The following GPHN variants were observed in gnomAD, a reference collection of about 807,000 sequenced individuals.
GPHN encodes the protein gephyrin.
Under a neutral mutation model 95.5 loss-of-function variants are expected in GPHN, and 17 were observed. The ratio of observed to expected loss-of-function variants is 0.18; its 90% CI spans 0.12 to 0.27. The LOEUF is 0.27. GPHN is among the 10% of genes least tolerant of loss of function. The pLI, the probability that GPHN is intolerant of heterozygous loss-of-function variation, is 1.00. For synonymous variants in GPHN, 320 were observed against 322.5 expected (o/e 0.99, Z 0.08); for missense variants, 660 against 978.1 (o/e 0.67, Z 4.34).
chr14:67,383,344 T>C, the GPHN span: 2 of 1,613,588 alleles, frequency 1.2e-6, 1 homozygote, highest in South Asian at 2.2e-5. Context: ...CAGATGAGAC[T>C]GAACTTGCGA....
intron 2 of GPHN, among the ~76,000 whole-genome samples, chr14:66,690,417 A>G (rs2067692099): frequency 6.6e-6 from 1 of 152,114 alleles, no homozygotes; most frequent in Admixed American, 6.5e-5. Flanking sequence ...CAATTCTTTT[A>G]GATTTGTTGA....
At chr14:66,779,775 T>C (rs2153463087) in intron 3 of GPHN, among the ~76,000 whole-genome samples, 1 of 152,244 alleles carries the variant, frequency 6.6e-6, no homozygotes, top group East Asian at 1.9e-4. Context: ...CTTTATCCCA[T>C]GTTAAGAAGT....
chr14:66,890,589 G>A (rs778923219), intron 5 of GPHN, among the ~76,000 whole-genome samples: 40 of 152,022 alleles, frequency 2.6e-4, no homozygotes, highest in Non-Finnish European at 3.1e-4. Flanking sequence ...ATGAATGGCA[G>A]CATTGGTCTC....
intron 3 of GPHN, among the ~76,000 whole-genome samples, chr14:66,815,579 G>A (rs542427682): frequency 1.3e-5 from 2 of 152,208 alleles, no homozygotes; most frequent in East Asian, 3.9e-4. Flanking sequence ...ATAAGCAAAG[G>A]AGAAACAAGA....
intron 3 of GPHN, among the ~76,000 whole-genome samples, chr14:66,806,944 C>A (rs559467667): frequency 6.6e-6 from 1 of 152,266 alleles, no homozygotes; most frequent in Non-Finnish European, 1.5e-5. Context: ...CAGTGCCCCA[C>A]TCTACTGGTA....
chr14:67,690,904 C>T, the GPHN span: 1 of 521,770 alleles, frequency 1.9e-6, no homozygotes, highest in South Asian at 2.5e-5. Context: ...ACCAATTAGT[C>T]TGTTAAAAAA....
the GPHN span, among the ~76,000 whole-genome samples, chr14:67,440,674 C>T: frequency 6.6e-6 from 1 of 152,000 alleles, no homozygotes; most frequent in Non-Finnish European, 1.5e-5. Flanking sequence ...ATCACTTAAA[C>T]CTGGGAGCCA....
At chr14:67,229,734 T>A in the GPHN span, among the ~76,000 whole-genome samples, 1 of 152,214 alleles carries the variant, frequency 6.6e-6, no homozygotes, top group Non-Finnish European at 1.5e-5. Context: ...ATTGGTTAAA[T>A]AAAAATATTT....
chr14:67,024,916 T>A, intron 10 of GPHN, among the ~76,000 whole-genome samples: 1 of 152,162 alleles, frequency 6.6e-6, no homozygotes, highest in South Asian at 2.1e-4. Context: ...AAATCTGTTA[T>A]CTTAGCTCCA....
At chr14:67,199,369 C>T in the GPHN span, 1 of 1,614,060 alleles carries the variant, frequency 6.2e-7, no homozygotes. Context: ...CCAACATTTT[C>T]AATGGGAACC....
intron 2 of GPHN, chr14:66,760,419 A>G (rs1017168869): frequency 6.1e-6 from 1 of 164,520 alleles, no homozygotes; most frequent in Non-Finnish European, 1.3e-5. Flanking sequence ...AGGTTAATTT[A>G]TATGAGGTCT....
intron 1 of GPHN, among the ~76,000 whole-genome samples, chr14:66,557,967 G>C (rs1256933870): frequency 1.3e-5 from 2 of 151,982 alleles, no homozygotes; most frequent in Non-Finnish European, 2.9e-5. Flanking sequence ...TTATAATATG[G>C]TGCTAATTAC....
chr14:67,642,796 T>TC, the GPHN span, among the ~76,000 whole-genome samples: 6 of 92,268 alleles, frequency 6.5e-5, no homozygotes, highest in South Asian at 8.9e-4. Flanking sequence ...ACATTTTCTT[T>TC]TTTTTTTTTT....
intron 2 of GPHN, among the ~76,000 whole-genome samples, chr14:66,745,393 C>G (rs937852277): frequency 1.3e-5 from 2 of 152,006 alleles, no homozygotes; most frequent in African/African-American, 4.8e-5. Context: ...ACATTGTTCA[C>G]CGTACTCTTA....
the GPHN span, among the ~76,000 whole-genome samples, chr14:67,278,340 TC>T: frequency 2.7e-5 from 4 of 149,028 alleles, no homozygotes; most frequent in African/African-American, 1.0e-4. Flanking sequence ...CCGGCCCAAT[TC>T]TTTTTTTTTT....
chr14:67,586,944 T>A, the GPHN span: 1 of 1,544,396 alleles, frequency 6.5e-7, no homozygotes, highest in African/African-American at 1.4e-5. Flanking sequence ...GGATATTTTC[T>A]CCCAGGTGGG....
the GPHN span, chr14:67,585,766 C>T: frequency 1.0e-6 from 1 of 980,200 alleles, no homozygotes; most frequent in Non-Finnish European, 1.5e-6. Context: ...GCCCTACCCC[C>T]ACTCCTGCCC....
At chr14:66,951,164 G>A (rs912940183) in intron 8 of GPHN, among the ~76,000 whole-genome samples, 2 of 151,986 alleles carry the variant, frequency 1.3e-5, no homozygotes, top group African/African-American at 4.8e-5. Flanking sequence ...GACCTCAGGT[G>A]ATCCACCCAC....
chr14:67,693,939 C>A, the GPHN span, among the ~76,000 whole-genome samples: 3 of 152,190 alleles, frequency 2.0e-5, no homozygotes. Context: ...GTGTGAGTCA[C>A]CAAGCCCAGC....
Sources: allele counts gnomAD v4.1 joint callset (sites outside exome capture counted in the v4.1 genomes callset), GRCh38; gene constraint gnomAD v4.1.1; transcripts MANE v1.5; gene names NCBI Gene and HGNC (gene_info 2026-07-23, HGNC 2026-07-21).